RAB11FIP4: variants seen among roughly 807,000 people sequenced by gnomAD.
The protein encoded by RAB11FIP4 is rab11 family-interacting protein 4.
In RAB11FIP4, 23 loss-of-function variants were observed where a neutral mutation model predicts 74.3. The ratio of observed to expected loss-of-function variants is 0.31; its 90% CI spans 0.22 to 0.44. The LOEUF (loss-of-function observed/expected upper bound fraction) is 0.44, where lower values mean the gene tolerates loss of function less well. Among genes scored for constraint, RAB11FIP4 ranks in the 20% least tolerant of loss-of-function variants. The probability of loss-of-function intolerance (pLI) is 1.00; values close to 1 mark genes in which losing one functional copy is unlikely to be tolerated. For missense variants in RAB11FIP4, 630 were observed against 863.9 expected, an observed-to-expected ratio of 0.73 and a Z score of 3.39; for synonymous variants, 360 against 359.9, an observed-to-expected ratio of 1.00 and a Z score of 0.00.
At chr17:31,418,997 T>G (rs143719424) in intron 1 of RAB11FIP4, among the ~76,000 whole-genome samples, 3 of 152,312 alleles carry the variant, frequency 2.0e-5, no homozygotes, top group Non-Finnish European at 4.4e-5. Context: ...TTTGTCACTA[T>G]GGTTTTGCCT....
chr17:31,417,178 C>T (rs908278666), intron 1 of RAB11FIP4, among the ~76,000 whole-genome samples: 1 of 152,088 alleles, frequency 6.6e-6, no homozygotes, highest in Admixed American at 6.5e-5. Context: ...CTGGGATTTA[C>T]GATGCCTCCG....
intron 13 of RAB11FIP4, among the ~76,000 whole-genome samples, chr17:31,529,938 G>A (rs181359626): frequency 4.6e-5 from 7 of 152,318 alleles, no homozygotes; most frequent in Admixed American, 1.3e-4. Context: ...CGTGGCTGCT[G>A]GGGGAGCCAA....
chr17:31,427,252 C>T (rs1369358832), intron 1 of RAB11FIP4, among the ~76,000 whole-genome samples: 4 of 152,228 alleles, frequency 2.6e-5, no homozygotes, highest in Non-Finnish European at 5.9e-5. Flanking sequence ...TGAGCCACTG[C>T]GCCCGGCTGG....
intron 1 of RAB11FIP4, among the ~76,000 whole-genome samples, chr17:31,424,695 C>T (rs1441298109): frequency 6.6e-6 from 1 of 152,000 alleles, no homozygotes; most frequent in East Asian, 1.9e-4. Context: ...CCCACCTCAG[C>T]CTCCCAAGCA....
Position 31,517,647 on chromosome 17 carries a change from C to T in RAB11FIP4, c.337-4C>T, listed in dbSNP as rs986908273. ...TTATCTTGTCTCTGCTCTCTCTTTC[C>T]CAGGGCAGCGAGGTCACAGGCCCCA... On this transcript the variant is annotated splice_region_variant and splice_polypyrimidine_tract_variant and intron_variant, in intron 3 of 14. Coordinates refer to ENST00000621161, the MANE Select transcript of RAB11FIP4 (RefSeq NM_032932.6). 2.6e-5 allele frequency: 41 copies of T among 1,596,672 alleles called. No homozygotes were observed. The highest frequency in any genetic ancestry group is 3.1e-5 in the Non-Finnish European group (36 of 1,172,434).
chr17:31,528,925 G>A, intron 13 of RAB11FIP4, 147 bp downstream of exon 13: 1 of 889,614 alleles, frequency 1.1e-6, no homozygotes. Flanking sequence ...AGGGCTGACT[G>A]CCCCATTTCA....
intron 3 of RAB11FIP4, among the ~76,000 whole-genome samples, chr17:31,459,864 G>C (rs1194826584): frequency 6.6e-6 from 1 of 152,136 alleles, no homozygotes; most frequent in Admixed American, 6.5e-5. Context: ...GGACACAGGG[G>C]TGGCTGGGAC....
rs150065778 is a variant in RAB11FIP4, at chr17:31,459,723, C to T, written c.336+25601C>T. On this transcript the variant is annotated intron_variant, in intron 3 of 14. Transcript: ENST00000621161. ...GTCATCTTTGACACAGCTCGGCTGCCACCCAGAAGCTTTTCCAGCCCCTCC... is the reference window on the plus strand; with the variant it reads ...GTCATCTTTGACACAGCTCGGCTGCTACCCAGAAGCTTTTCCAGCCCCTCC... Among the ~76,000 whole-genome samples the T allele has an allele frequency of 2.8e-3, 433 of 152,146 alleles. 1 individual carries two copies. The highest frequency in any genetic ancestry group is 9.1e-3 in the African/African-American group (379 of 41,480).
In RAB11FIP4 at chr17:31,517,510, C is replaced by T. The variant is rs1341636675; in HGVS notation, c.337-141C>T. On this transcript the variant is annotated intron_variant, in intron 3 of 14. Transcript: ENST00000621161. The stretch of plus-strand genomic sequence containing the variant: ...GGGACTAATCACCTGCCAGGTGTTC[C>T]CACGCTTAGGGTTCGGGATCTGGGC... 78 of 730,160 alleles carry T rather than the reference C, an allele frequency of 1.1e-4. 1 individual carries two copies. The East Asian group carries it at 2.1e-3, about 19-fold the overall frequency. The allele number at this position is 730,160 out of a possible 1,614,324, so 45.2% of individuals were successfully genotyped here. A position where few individuals can be genotyped will look rare whatever the true frequency, so the allele number is the denominator to read the frequency against.
rs761643516 is a variant in RAB11FIP4, at chr17:31,531,912, C to T, written c.*180C>T. 12 of 583,962 alleles carry T rather than the reference C, an allele frequency of 2.1e-5. No individual in the cohort carries two copies. Among genetic ancestry groups the T allele is most frequent in the African/African-American group, 7.5e-5 (4 of 53,582 alleles). The allele number at this position is 583,962 out of a possible 1,614,324, so 36.2% of individuals were successfully genotyped here. On this transcript the variant is annotated 3_prime_UTR_variant, in exon 15 of 15. Coordinates refer to ENST00000621161, the MANE Select transcript of RAB11FIP4 (RefSeq NM_032932.6). ...TGCACACGAGCGAGGGGTGAGTGGC[C>T]GTGGCTGTGGGCAGCATCCACACGG...
chr17:31,476,525 A>T (rs1339562648), intron 3 of RAB11FIP4, among the ~76,000 whole-genome samples: 1 of 152,174 alleles, frequency 6.6e-6, no homozygotes, highest in Non-Finnish European at 1.5e-5. Context: ...TAAGAAACCA[A>T]GGCTAAGAGA....
At chr17:31,458,209 T>A (rs2071598636) in intron 3 of RAB11FIP4, among the ~76,000 whole-genome samples, 2 of 152,154 alleles carry the variant, frequency 1.3e-5, no homozygotes, top group South Asian at 4.1e-4. Context: ...GAGTCCACCT[T>A]TCCTGAGGCT....
chr17:31,392,188 G>C, intron 1 of RAB11FIP4, 177 bp downstream of exon 1: 1 of 460,778 alleles, frequency 2.2e-6, no homozygotes, highest in Non-Finnish European at 3.4e-6. Context: ...GCCCAGCCGG[G>C]CCCTCGCTTT....
intron 3 of RAB11FIP4, among the ~76,000 whole-genome samples, chr17:31,502,362 T>G (rs891161825): frequency 3.3e-5 from 5 of 151,994 alleles, no homozygotes; most frequent in South Asian, 4.2e-4. Context: ...GTAGATCACT[T>G]GAGGTCAGGA....
intron 2 of RAB11FIP4, among the ~76,000 whole-genome samples, chr17:31,433,710 T>G (rs746494643): frequency 6.6e-6 from 1 of 152,144 alleles, no homozygotes; most frequent in South Asian, 2.1e-4. Flanking sequence ...TCGTTTGGAG[T>G]CCCTGCAAGC....
rs1211594506 is a variant in RAB11FIP4 at position 31,522,359 on chromosome 17, G to A, written c.894-1G>A. On this transcript the variant is annotated splice_acceptor_variant, in intron 6 of 14. Coordinates refer to ENST00000621161, the MANE Select transcript of RAB11FIP4 (RefSeq NM_032932.6). LOFTEE classifies it high-confidence loss of function. Reference sequence around the variant, plus strand: ...AATGACTGTTTCCTTTCTCTCTCTAGCCCCAACCGAAAGATCTCCAGCACG... The same window carrying A: ...AATGACTGTTTCCTTTCTCTCTCTAACCCCAACCGAAAGATCTCCAGCACG... 6.2e-7 allele frequency: 1 copy of A among 1,613,904 alleles called. No homozygotes were observed.
chr17:31,401,380 T>C (rs1435892812), intron 1 of RAB11FIP4, among the ~76,000 whole-genome samples: 1 of 152,184 alleles, frequency 6.6e-6, no homozygotes, highest in Non-Finnish European at 1.5e-5. Flanking sequence ...CTGTCACCCC[T>C]GAGGTCACTG....
chr17:31,403,354 G>A (rs1396163507), intron 1 of RAB11FIP4, among the ~76,000 whole-genome samples: 4 of 150,028 alleles, frequency 2.7e-5, no homozygotes, highest in Middle Eastern at 3.4e-3. Flanking sequence ...ATGGAGTCTC[G>A]CTCTGTCACC....
At chr17:31,475,607 T>C (rs762689269) in intron 3 of RAB11FIP4, among the ~76,000 whole-genome samples, 2 of 152,194 alleles carry the variant, frequency 1.3e-5, no homozygotes, top group Non-Finnish European at 2.9e-5. Context: ...AACACCAAAA[T>C]CAATACTCGC....
Sources: gnomAD v4.1 joint callset for allele counts (sites outside exome capture counted in the v4.1 genomes callset) on GRCh38, gnomAD v4.1.1 for gene constraint, MANE v1.5 for transcripts, NCBI Gene and HGNC (gene_info 2026-07-23, HGNC 2026-07-21) for gene names.